Variants in DPP10 observed in about 807,000 individuals in gnomAD.
The protein encoded by DPP10 is inactive dipeptidyl peptidase 10.
DPP10 carries 33 observed loss-of-function variants against 120.9 expected under a neutral mutation model. The observed-to-expected ratio is 0.27, with a 90% CI of 0.21 to 0.37. The LOEUF is 0.37. Ranked by LOEUF, DPP10 falls within the 10% of genes least tolerant of loss-of-function variation. DPP10 has a pLI of 1.00. For synonymous variants in DPP10, 337 were observed against 326.1 expected (o/e 1.03, Z -0.36); for missense variants, 816 against 942.8 (o/e 0.87, Z 1.76).
chr2:114,674,877 A>G (rs1698573706), intron 1 of DPP10, among the ~76,000 whole-genome samples: 1 of 152,236 alleles, frequency 6.6e-6, no homozygotes, highest in African/African-American at 2.4e-5. Flanking sequence ...CTTGAAATTT[A>G]GAAAGTTTAG....
At chr2:114,518,611 C>G (rs1409988912) in intron 1 of DPP10, among the ~76,000 whole-genome samples, 1 of 152,142 alleles carries the variant, frequency 6.6e-6, no homozygotes, top group Admixed American at 6.5e-5. Context: ...TAGAAAGCCT[C>G]TTGTTTCTCC....
At chr2:115,411,760 C>T (rs892106985) in intron 3 of DPP10, among the ~76,000 whole-genome samples, 24 of 152,116 alleles carry the variant, frequency 1.6e-4, no homozygotes, top group Non-Finnish European at 2.2e-4. Flanking sequence ...AAGTTATTTG[C>T]AACTATTATC....
At chr2:115,422,261 G>A (rs2104692689) in intron 3 of DPP10, among the ~76,000 whole-genome samples, 1 of 152,244 alleles carries the variant, frequency 6.6e-6, no homozygotes, top group African/African-American at 2.4e-5. Context: ...TTATAGCAAA[G>A]GCAACATAGA....
chr2:114,650,577 A>G (rs1421608477), intron 1 of DPP10, among the ~76,000 whole-genome samples: 6 of 152,152 alleles, frequency 3.9e-5, no homozygotes, highest in South Asian at 2.1e-4. Flanking sequence ...TTAACTTTTC[A>G]CTTATTCAGA....
Position 114,972,539 on chromosome 2 carries a change from G to A in DPP10, c.61-336700G>A, listed in dbSNP as rs556022395. Among the ~76,000 whole-genome samples, 540 of 152,040 alleles carry A rather than the reference G, an allele frequency of 3.6e-3. 2 individuals are homozygous for A. The highest frequency in any genetic ancestry group is 6.0e-3 in the Non-Finnish European group (407 of 67,978). On this transcript the variant is annotated intron_variant, in intron 1 of 25. Coordinates refer to ENST00000410059, the MANE Select transcript of DPP10 (RefSeq NM_020868.6). ...CCTAGCAGGAATCTAGAAACAGGGT[G>A]GATCTCAGGATGATGGATCCATTGA... is the stretch of plus-strand genomic sequence containing the variant.
rs551828309 is a variant in DPP10 at position 115,598,165 on chromosome 2, G to C, written c.441+72193G>C. On this transcript the variant is annotated intron_variant, in intron 5 of 25. Transcript: ENST00000410059. ...TATTTAAATCTTTCCCTTTTGGATA[G>C]CATATATTGGGGTCTTATGGGCCTT... 3.6e-4 allele frequency among the ~76,000 whole-genome samples: 55 copies of C among 151,776 alleles called. 2 individuals carry two copies. The South Asian group carries it at 8.3e-3, about 23-fold the overall frequency.
At chr2:114,677,826 C>T (rs1698769442) in intron 1 of DPP10, among the ~76,000 whole-genome samples, 1 of 152,056 alleles carries the variant, frequency 6.6e-6, no homozygotes, top group Non-Finnish European at 1.5e-5. Flanking sequence ...ATCTGATGAT[C>T]ACTGCAATAA....
chr2:114,763,611 T>C (rs747533479), intron 1 of DPP10, among the ~76,000 whole-genome samples: 2 of 152,186 alleles, frequency 1.3e-5, no homozygotes, highest in East Asian at 1.9e-4. Flanking sequence ...GTCTATTATA[T>C]ATGATAATAA....
intron 21 of DPP10, among the ~76,000 whole-genome samples, chr2:115,819,756 G>A (rs1687618271): frequency 1.3e-5 from 2 of 152,160 alleles, no homozygotes; most frequent in Non-Finnish European, 2.9e-5. Flanking sequence ...CACCTTGGGA[G>A]GCCGAGGTGG....
chr2:115,167,755 T>C (rs2053007169), intron 1 of DPP10, among the ~76,000 whole-genome samples: 1 of 152,194 alleles, frequency 6.6e-6, no homozygotes, highest in Non-Finnish European at 1.5e-5. Context: ...ATTAATGGAT[T>C]TGGACATCAA....
chr2:115,059,611 A>T (rs563020132), intron 1 of DPP10, among the ~76,000 whole-genome samples: 1 of 147,526 alleles, frequency 6.8e-6, no homozygotes, highest in African/African-American at 2.5e-5. Flanking sequence ...CTCAGTTTTT[A>T]TTGAGAAAAC....
chr2:114,818,970 T>G (rs1395900227), intron 1 of DPP10, among the ~76,000 whole-genome samples: 1 of 152,152 alleles, frequency 6.6e-6, no homozygotes, highest in Non-Finnish European at 1.5e-5. Context: ...GTCTCCAAAA[T>G]TACTACTTGT....
intron 1 of DPP10, among the ~76,000 whole-genome samples, chr2:114,791,149 A>T (rs2106238351): frequency 6.6e-6 from 1 of 152,290 alleles, no homozygotes; most frequent in Non-Finnish European, 1.5e-5. Flanking sequence ...AACAGCAAAG[A>T]AGGCTTGTAC....
chr2:115,325,351 TAATA>T (rs2062298244), intron 2 of DPP10, among the ~76,000 whole-genome samples: 2 of 152,102 alleles, frequency 1.3e-5, no homozygotes, highest in African/African-American at 4.8e-5. Context: ...GATAATGAAG[TAATA>T]AATAATAATA....
intron 1 of DPP10, among the ~76,000 whole-genome samples, chr2:114,666,264 T>C (rs1697914246): frequency 6.6e-6 from 1 of 152,244 alleles, no homozygotes; most frequent in African/African-American, 2.4e-5. Flanking sequence ...GTTCTACTTA[T>C]ATAAACATCT....
chr2:114,778,712 C>A (rs890622740), intron 1 of DPP10, among the ~76,000 whole-genome samples: 1 of 151,900 alleles, frequency 6.6e-6, no homozygotes, highest in Admixed American at 6.6e-5. Flanking sequence ...CATGAAAAAT[C>A]CTACTGGTTT....
intron 1 of DPP10, among the ~76,000 whole-genome samples, chr2:114,612,108 AC>A (rs1436679040): frequency 6.6e-6 from 1 of 152,162 alleles, no homozygotes; most frequent in Non-Finnish European, 1.5e-5. Flanking sequence ...TCCAAATTCT[AC>A]ATCAACGTCT....
chr2:115,194,516 G>A (rs2055120458), intron 1 of DPP10, among the ~76,000 whole-genome samples: 1 of 152,158 alleles, frequency 6.6e-6, no homozygotes, highest in South Asian at 2.1e-4. Flanking sequence ...TGTTTACACT[G>A]ACAAAAAGAT....
intron 5 of DPP10, among the ~76,000 whole-genome samples, chr2:115,644,378 G>T (rs150329737): frequency 0.015 from 2,303 of 152,038 alleles, 46 homozygotes; most frequent in African/African-American, 0.051. Flanking sequence ...TGTTCTCATT[G>T]TTCAATTCCC....
Sources: allele counts gnomAD v4.1 joint callset (sites outside exome capture counted in the v4.1 genomes callset), GRCh38; gene constraint gnomAD v4.1.1; transcripts MANE v1.5; gene names NCBI Gene and HGNC (gene_info 2026-07-23, HGNC 2026-07-21).